SHANK2: variants seen among roughly 807,000 people sequenced by gnomAD.
SHANK2 encodes SH3 and multiple ankyrin repeat domains 2.
SHANK2 carries 43 observed loss-of-function variants against 133.7 expected under a neutral mutation model. The ratio of observed to expected loss-of-function variants is 0.32; its 90% CI spans 0.25 to 0.41. The LOEUF (loss-of-function observed/expected upper bound fraction) is 0.41, where lower values mean the gene tolerates loss of function less well. Among genes scored for constraint, SHANK2 ranks in the 10% least tolerant of loss-of-function variants. The pLI is 1.00. For synonymous variants in SHANK2, 1,017 were observed against 952.8 expected, an observed-to-expected ratio of 1.07 and a Z score of -1.24; for missense variants, 1,994 against 2,235.8, an observed-to-expected ratio of 0.89 and a Z score of 2.18.
intron 21 of SHANK2, among the ~76,000 whole-genome samples, chr11:70,492,952 C>A (rs1027338090): frequency 2.6e-5 from 4 of 151,774 alleles, no homozygotes; most frequent in South Asian, 2.1e-4. Flanking sequence ...CCTGCCACTA[C>A]GCCCAGCTAA....
chr11:70,818,848 T>C (rs1271885314), intron 12 of SHANK2, among the ~76,000 whole-genome samples: 2 of 152,386 alleles, frequency 1.3e-5, no homozygotes, highest in African/African-American at 4.8e-5. Flanking sequence ...TCCTTGGCTG[T>C]GGCCCCAAAG....
At chr11:70,730,866 A>C (rs1946276853) in intron 14 of SHANK2, among the ~76,000 whole-genome samples, 1 of 151,014 alleles carries the variant, frequency 6.6e-6, no homozygotes, top group African/African-American at 2.4e-5. Flanking sequence ...GAAATTTACA[A>C]AACTGAATAC....
chr11:70,748,239 A>G (rs772992315), intron 14 of SHANK2, among the ~76,000 whole-genome samples: 3 of 152,172 alleles, frequency 2.0e-5, no homozygotes, highest in Non-Finnish European at 2.9e-5. Flanking sequence ...CAAACCCTGA[A>G]CTGAGGAGGC....
chr11:70,749,525 G>A (rs2134881250), intron 14 of SHANK2, among the ~76,000 whole-genome samples: 1 of 152,286 alleles, frequency 6.6e-6, no homozygotes, highest in African/African-American at 2.4e-5. Flanking sequence ...AAATTCCTGG[G>A]AAAATATGAC....
intron 17 of SHANK2, among the ~76,000 whole-genome samples, chr11:70,588,539 A>G (rs2060282326): frequency 6.6e-6 from 1 of 152,242 alleles, no homozygotes; most frequent in Non-Finnish European, 1.5e-5. Context: ...TAGAAAATCA[A>G]ATTGTCCACA....
intron 11 of SHANK2, among the ~76,000 whole-genome samples, chr11:70,831,719 C>T (rs782752216): frequency 6.6e-6 from 1 of 152,254 alleles, no homozygotes; most frequent in Admixed American, 6.5e-5. Context: ...CTGGCGGGGA[C>T]GCCGTACCAG....
intron 14 of SHANK2, among the ~76,000 whole-genome samples, chr11:70,748,065 G>A (rs1465943387): frequency 6.6e-6 from 1 of 152,158 alleles, no homozygotes; most frequent in African/African-American, 2.4e-5. Context: ...ACACCTCCTA[G>A]TCAGGAAAAC....
At chr11:70,508,520 CCTTA>C (rs2059161802) in intron 17 of SHANK2, among the ~76,000 whole-genome samples, 1 of 152,200 alleles carries the variant, frequency 6.6e-6, no homozygotes, top group Non-Finnish European at 1.5e-5. Flanking sequence ...CAAAATATGA[CCTTA>C]CTTTGCAGAT....
intron 11 of SHANK2, among the ~76,000 whole-genome samples, chr11:70,891,363 G>A (rs1949842648): frequency 1.3e-5 from 2 of 151,854 alleles, no homozygotes; most frequent in African/African-American, 2.4e-5. Flanking sequence ...GTAGCCGGGG[G>A]TGGTGGCGGG....
At chr11:70,908,094 T>A in intron 10 of SHANK2, 1 of 219,096 alleles carries the variant, frequency 4.6e-6, no homozygotes, top group South Asian at 5.4e-5. Context: ...AGAGTCCATC[T>A]CAAAAAAAAA....
At chr11:70,756,278 C>T (rs1326693079) in intron 14 of SHANK2, among the ~76,000 whole-genome samples, 4 of 152,128 alleles carry the variant, frequency 2.6e-5, no homozygotes, top group Non-Finnish European at 5.9e-5. Context: ...GATCCTTTAC[C>T]TGAAAACGCT....
At chr11:70,778,250 C>T (rs1232798232) in intron 14 of SHANK2, among the ~76,000 whole-genome samples, 1 of 152,230 alleles carries the variant, frequency 6.6e-6, no homozygotes, top group African/African-American at 2.4e-5. Context: ...CTTCTAAATG[C>T]TGATGGGCCA....
At chr11:70,906,610 G>A (rs895130518) in intron 10 of SHANK2, among the ~76,000 whole-genome samples, 5 of 152,128 alleles carry the variant, frequency 3.3e-5, no homozygotes, top group East Asian at 3.9e-4. Context: ...ATGGCTTCTC[G>A]GAAAGGCACG....
At chr11:71,061,759 G>A (rs1399346969) in intron 9 of SHANK2, among the ~76,000 whole-genome samples, 1 of 152,104 alleles carries the variant, frequency 6.6e-6, no homozygotes, top group Non-Finnish European at 1.5e-5. Context: ...GGCATTTCAA[G>A]AGATGCACAG....
intron 11 of SHANK2, among the ~76,000 whole-genome samples, chr11:70,825,818 T>C (rs1418358769): frequency 6.6e-6 from 1 of 152,242 alleles, no homozygotes; most frequent in Non-Finnish European, 1.5e-5. Context: ...GTTTTCTGTC[T>C]GAAAATGATT....
chr11:70,519,651 A>G (rs1220078086), intron 17 of SHANK2, among the ~76,000 whole-genome samples: 2 of 152,216 alleles, frequency 1.3e-5, no homozygotes, highest in African/African-American at 4.8e-5. Context: ...CCGTCTCAAA[A>G]AAAAACAAAA....
At chr11:71,085,657 T>TAA (rs1565441558) in intron 8 of SHANK2, among the ~76,000 whole-genome samples, 2,326 of 14,582 alleles carry the variant, frequency 0.16, 120 homozygotes, top group African/African-American at 0.21. Context: ...ATGTTATATA[T>TAA]TATATTATAT....
At chr11:70,828,554 C>T (rs1016053731) in intron 11 of SHANK2, among the ~76,000 whole-genome samples, 2 of 152,252 alleles carry the variant, frequency 1.3e-5, no homozygotes, top group Non-Finnish European at 2.9e-5. Context: ...GAACCCTCCT[C>T]GGATGCACAA....
At chr11:70,869,208 C>A (rs1008800580) in intron 11 of SHANK2, among the ~76,000 whole-genome samples, 1 of 152,180 alleles carries the variant, frequency 6.6e-6, no homozygotes, top group Admixed American at 6.5e-5. Context: ...AGCCTTCCAG[C>A]CTCCAAAACG....
Sources: gnomAD v4.1 joint callset for allele counts (sites outside exome capture counted in the v4.1 genomes callset) on GRCh38, gnomAD v4.1.1 for gene constraint, MANE v1.5 for transcripts, NCBI Gene and HGNC (gene_info 2026-07-23, HGNC 2026-07-21) for gene names.